BTBD9: variants seen among roughly 807,000 people sequenced by gnomAD.
The protein encoded by BTBD9 is BTB/POZ domain-containing protein 9.
A neutral mutation model predicts 64.3 loss-of-function variants in BTBD9; 49 were observed. That is an observed-to-expected ratio of 0.76 (90% CI 0.61 to 0.97). The LOEUF is 0.97. BTBD9 is among the 50% of genes least tolerant of loss of function. The pLI is 0.00. For synonymous variants in BTBD9, 260 were observed against 274.7 expected (o/e 0.95, Z 0.53); for missense variants, 598 against 762.1 (o/e 0.78, Z 2.53).
intron 6 of BTBD9, among the ~76,000 whole-genome samples, chr6:38,525,235 TA>T (rs767398733): frequency 2.6e-5 from 4 of 152,154 alleles, no homozygotes; most frequent in Non-Finnish European, 4.4e-5. Flanking sequence ...GATGGTTTTA[TA>T]ATCAGTTTTC....
chr6:38,599,130 C>G (rs1026849886), intron 1 of BTBD9, among the ~76,000 whole-genome samples: 2 of 152,096 alleles, frequency 1.3e-5, no homozygotes, highest in Admixed American at 1.3e-4. Flanking sequence ...TGTCTCATTT[C>G]CAGGCACCTT....
chr6:38,507,404 C>G (rs1174692720), intron 6 of BTBD9, among the ~76,000 whole-genome samples: 1 of 152,212 alleles, frequency 6.6e-6, no homozygotes, highest in East Asian at 1.9e-4. Flanking sequence ...CCACTCCCAG[C>G]TACCACCTAT....
At chr6:38,230,093 C>T (rs2127516349) in intron 9 of BTBD9, among the ~76,000 whole-genome samples, 1 of 152,324 alleles carries the variant, frequency 6.6e-6, no homozygotes, top group Middle Eastern at 3.4e-3. Context: ...TAGTTCAAGT[C>T]ATCTCTCATC....
chr6:38,605,456 G>A (rs954204127), intron 1 of BTBD9, among the ~76,000 whole-genome samples: 4 of 152,170 alleles, frequency 2.6e-5, no homozygotes, highest in Admixed American at 2.6e-4. Flanking sequence ...AGAGAAGAGT[G>A]GGAATTCCAC....
At chr6:38,306,415 A>G (rs1762624717) in intron 7 of BTBD9, among the ~76,000 whole-genome samples, 1 of 152,240 alleles carries the variant, frequency 6.6e-6, no homozygotes, top group Non-Finnish European at 1.5e-5. Context: ...AACCGCCTGG[A>G]CAGAAATTAC....
At chr6:38,498,793 C>T (rs972407643) in intron 6 of BTBD9, among the ~76,000 whole-genome samples, 2 of 152,176 alleles carry the variant, frequency 1.3e-5, no homozygotes, top group African/African-American at 4.8e-5. Flanking sequence ...CCCCCCACGC[C>T]CCACCCCAGT....
At chr6:38,485,954 T>C (rs1266811205) in intron 6 of BTBD9, among the ~76,000 whole-genome samples, 1 of 152,210 alleles carries the variant, frequency 6.6e-6, no homozygotes. Context: ...CCTTCGTCAA[T>C]GATCTTAGCT....
At chr6:38,321,790 ACTTT>A (rs1763243233) in intron 7 of BTBD9, among the ~76,000 whole-genome samples, 1 of 151,636 alleles carries the variant, frequency 6.6e-6, no homozygotes, top group Non-Finnish European at 1.5e-5. Flanking sequence ...CTGTTTGCCT[ACTTT>A]CTTTTTCATT....
intron 9 of BTBD9, among the ~76,000 whole-genome samples, chr6:38,215,275 C>T (rs906008613): frequency 6.6e-6 from 1 of 152,184 alleles, no homozygotes; most frequent in Non-Finnish European, 1.5e-5. Context: ...TTTTCTATCA[C>T]TTGTATTTTG....
At chr6:38,336,844 T>C (rs1249848665) in intron 7 of BTBD9, among the ~76,000 whole-genome samples, 1 of 152,188 alleles carries the variant, frequency 6.6e-6, no homozygotes, top group Non-Finnish European at 1.5e-5. Flanking sequence ...TCTTCTCTAT[T>C]AGCTCTTAAG....
At chr6:38,351,541 A>G (rs1435608293) in intron 6 of BTBD9, among the ~76,000 whole-genome samples, 1 of 112,262 alleles carries the variant, frequency 8.9e-6, no homozygotes, top group East Asian at 2.9e-4. Flanking sequence ...ATGGAGTCTC[A>G]CTTTATAGCC....
intron 2 of BTBD9, among the ~76,000 whole-genome samples, chr6:38,596,261 C>T (rs1157374915): frequency 6.6e-6 from 1 of 152,088 alleles, no homozygotes; most frequent in Non-Finnish European, 1.5e-5. Flanking sequence ...CTTAGTGAGC[C>T]AGCAAATATT....
intron 9 of BTBD9, among the ~76,000 whole-genome samples, chr6:38,238,388 A>T (rs902943009): frequency 2.0e-5 from 3 of 151,422 alleles, no homozygotes; most frequent in African/African-American, 7.3e-5. Context: ...GTCATTAAAA[A>T]TTTTCTGATT....
intron 1 of BTBD9, among the ~76,000 whole-genome samples, chr6:38,637,004 T>C (rs182097728): frequency 1.3e-5 from 2 of 152,324 alleles, no homozygotes; most frequent in Non-Finnish European, 1.5e-5. Flanking sequence ...TCAGCAACTT[T>C]GCTTATGCTG....
chr6:38,555,502 G>A (rs560141359), intron 6 of BTBD9, among the ~76,000 whole-genome samples: 6 of 152,258 alleles, frequency 3.9e-5, no homozygotes, highest in African/African-American at 1.2e-4. Flanking sequence ...TTAACAAAAC[G>A]TATGTAATAA....
At chr6:38,363,593 C>G (rs1225809834) in intron 6 of BTBD9, among the ~76,000 whole-genome samples, 2 of 152,132 alleles carry the variant, frequency 1.3e-5, no homozygotes, top group African/African-American at 4.8e-5. Flanking sequence ...AAAAGTTACT[C>G]TAACTCTGAA....
chr6:38,398,377 T>C (rs770479132), intron 6 of BTBD9, among the ~76,000 whole-genome samples: 1 of 152,156 alleles, frequency 6.6e-6, no homozygotes, highest in Non-Finnish European at 1.5e-5. Context: ...CTCAGATAAC[T>C]GTGTGCATGG....
At chr6:38,633,541 C>T (rs1349432094) in intron 1 of BTBD9, among the ~76,000 whole-genome samples, 1 of 152,172 alleles carries the variant, frequency 6.6e-6, no homozygotes, top group Non-Finnish European at 1.5e-5. Flanking sequence ...AATAGGGACA[C>T]AGACTGCCAG....
In BTBD9 at chr6:38,287,388, G is replaced by A. The variant is rs142074288; in HGVS notation, c.1454+884C>T. ...GAACTCCTGAGCTTTCAAGCGATCC[G>A]CCCACCTCCGCCTCCCAAAGTGCTG... On this transcript the variant is annotated intron_variant, in intron 8 of 10. Coordinates refer to ENST00000481247, the MANE Select transcript of BTBD9 (RefSeq NM_001099272.2). 7.3e-3 allele frequency among the ~76,000 whole-genome samples: 1,100 copies of A among 151,692 alleles called. 13 individuals carry two copies. Among genetic ancestry groups the A allele is most frequent in the African/African-American group, 0.023 (933 of 41,340 alleles).
Sources: allele counts gnomAD v4.1 joint callset (sites outside exome capture counted in the v4.1 genomes callset), GRCh38; gene constraint gnomAD v4.1.1; transcripts MANE v1.5; gene names NCBI Gene and HGNC (gene_info 2026-07-23, HGNC 2026-07-21).